Variants in CDC45 observed in about 807,000 individuals in gnomAD.
The protein encoded by CDC45 is cell division cycle 45.
A neutral mutation model predicts 77.8 loss-of-function variants in CDC45; 54 were observed. The observed-to-expected ratio is 0.69, with a 90% CI of 0.56 to 0.87. The LOEUF is 0.87. CDC45 is among the 40% of genes least tolerant of loss of function. The pLI is 0.00. For synonymous variants in CDC45, 260 were observed against 272.1 expected, an observed-to-expected ratio of 0.96 and a Z score of 0.44; for missense variants, 649 against 721.6, an observed-to-expected ratio of 0.90 and a Z score of 1.15.
At position 19,497,423 on chromosome 22, in the gene CDC45, C is replaced by G. The variant is rs1568923264; in HGVS notation, c.629C>G (p.Ser210Cys). ...ATGTTTGAGCTGGCTTGGATGCTGTCCAAGGACCTGAATGACATGCTGTGG... is the reference window on the plus strand; with the variant it reads ...ATGTTTGAGCTGGCTTGGATGCTGTGCAAGGACCTGAATGACATGCTGTGG... ...MVMFELAWML[S>C]KDLNDMLWWA... Residue 210 changes from serine (S) to cysteine (C), a missense_variant, in exon 8 of 19, where the codon TCC becomes TGC. Transcript: ENST00000263201. The G allele has an allele frequency of 6.2e-7, 1 of 1,614,138 alleles. No homozygotes were observed. Among genetic ancestry groups the G allele is most frequent in the Non-Finnish European group, 8.5e-7 (1 of 1,179,996 alleles).
At chr22:19,479,578 G>A (rs1016774366), upstream of CDC45, 5 of 584,354 alleles carry the variant, frequency 8.6e-6, no homozygotes, top group Admixed American at 8.7e-5. Context: ...TTGGGTATGT[G>A]ACTGAGTTTA....
At chr22:19,480,260 G>T in intron 2 of CDC45, 43 bp downstream of exon 2, 1 of 1,580,900 alleles carries the variant, frequency 6.3e-7, no homozygotes. Context: ...GGCGCGCGAG[G>T]TGAGGGTGCT....
Position 19,483,847 on chromosome 22 carries a change from T to C in CDC45, c.343-15T>C. 1.9e-6 allele frequency: 3 copies of C among 1,609,720 alleles called. No individual in the cohort carries two copies. Among genetic ancestry groups the C allele is most frequent in the Non-Finnish European group, 2.5e-6 (3 of 1,178,252 alleles). ...GAAAGAGGAGAGGCTTAATTCCTTT[T>C]TGTTTTGAACTTAGATCAAATTACT... On this transcript the variant is annotated splice_polypyrimidine_tract_variant and intron_variant, in intron 4 of 18. Coordinates refer to ENST00000263201, the MANE Select transcript of CDC45 (RefSeq NM_003504.5).
intron 3 of CDC45, among the ~76,000 whole-genome samples, chr22:19,482,367 G>C (rs922500242): frequency 1.3e-5 from 2 of 152,266 alleles, no homozygotes; most frequent in African/African-American, 4.8e-5. Flanking sequence ...GCATAGTACT[G>C]TGAGGTCTGG....
chr22:19,496,546 G>A (rs191598906), intron 7 of CDC45, among the ~76,000 whole-genome samples: 2 of 152,302 alleles, frequency 1.3e-5, no homozygotes, highest in Non-Finnish European at 2.9e-5. Context: ...TCTAAGCACC[G>A]TATTTCCAGT....
At chr22:19,479,581 T>A (rs1205340886), upstream of CDC45, 2 of 584,930 alleles carry the variant, frequency 3.4e-6, no homozygotes, top group African/African-American at 3.7e-5. Flanking sequence ...GGTATGTGAC[T>A]GAGTTTAATG....
chr22:19,507,300 G>A (rs1470564539), intron 10 of CDC45, 86 bp from the exon 11 acceptor site: 11 of 1,504,810 alleles, frequency 7.3e-6, no homozygotes, highest in South Asian at 2.4e-5. Flanking sequence ...AAAGGGCCCC[G>A]CCATCAGAGT....
At chr22:19,493,877 G>A (rs2090195848) in intron 5 of CDC45, among the ~76,000 whole-genome samples, 1 of 152,224 alleles carries the variant, frequency 6.6e-6, no homozygotes, top group South Asian at 2.1e-4. Context: ...ATTATTCCAG[G>A]CCTTTGTTGT....
At chr22:19,511,276 T>TC (rs1933496314) in intron 13 of CDC45, among the ~76,000 whole-genome samples, 1 of 152,184 alleles carries the variant, frequency 6.6e-6, no homozygotes. Flanking sequence ...TCTCATGTGC[T>TC]TATTGGTCAT....
At chr22:19,485,306 C>T (rs1377735590) in intron 5 of CDC45, among the ~76,000 whole-genome samples, 1 of 152,142 alleles carries the variant, frequency 6.6e-6, no homozygotes, top group East Asian at 1.9e-4. Flanking sequence ...ACCAGTTAGG[C>T]CCTGGGGTGC....
chr22:19,499,743 C>G (rs2090307313), intron 9 of CDC45, among the ~76,000 whole-genome samples: 1 of 152,202 alleles, frequency 6.6e-6, no homozygotes, highest in African/African-American at 2.4e-5. Context: ...TTCATCCCTG[C>G]TAATGCACGA....
At chr22:19,503,522 A>G (rs1240020094) in intron 9 of CDC45, among the ~76,000 whole-genome samples, 1 of 152,174 alleles carries the variant, frequency 6.6e-6, no homozygotes, top group African/African-American at 2.4e-5. Context: ...GCAAGATGAA[A>G]AAGTATATGG....
At position 19,494,360 on chromosome 22, in the gene CDC45, C is replaced by T. The variant is rs184924520; in HGVS notation, c.520C>T (p.Arg174Trp). The change falls in exon 6 of 19, where the codon CGG (arginine) becomes TGG (tryptophan). Residue 174 changes from arginine to tryptophan, a missense_variant. Physicochemically the swap from Arg to Trp is moderately radical, Grantham distance 101 (BLOSUM62 -3). Transcript: ENST00000263201. ...IVEQTMRRRQ[R>W]REWEARRRDI... ...GGAGCAAACCATGCGGAGGAGGCAG[C>T]GGCGAGAGTGGGAGGCCCGGAGGTG... The T allele has an allele frequency of 8.6e-5, 139 of 1,613,252 alleles. No individual in the cohort carries two copies. In the Admixed American group the frequency reaches 2.0e-3, roughly 23 times the overall value.
intron 5 of CDC45, among the ~76,000 whole-genome samples, chr22:19,487,434 G>T (rs766814097): frequency 6.6e-6 from 1 of 152,016 alleles, no homozygotes; most frequent in Non-Finnish European, 1.5e-5. Context: ...GCTAGAGTGG[G>T]AGGATGCCTT....
At chr22:19,487,531 TA>T (rs2090089985) in intron 5 of CDC45, among the ~76,000 whole-genome samples, 1 of 146,884 alleles carries the variant, frequency 6.8e-6, no homozygotes, top group Non-Finnish European at 1.5e-5. Context: ...CCTCATCTCT[TA>T]AAAAGAAAAG....
intron 13 of CDC45, among the ~76,000 whole-genome samples, chr22:19,513,055 C>A (rs1041677682): frequency 6.6e-6 from 1 of 152,198 alleles, no homozygotes; most frequent in African/African-American, 2.4e-5. Flanking sequence ...CTCACTTACA[C>A]CCCCTAGCCC....
At chr22:19,511,954 T>C (rs1346057001) in intron 13 of CDC45, among the ~76,000 whole-genome samples, 1 of 146,184 alleles carries the variant, frequency 6.8e-6, no homozygotes, top group East Asian at 2.1e-4. Flanking sequence ...AGGGTCTTAC[T>C]CTGTCACTTA....
Position 19,483,884 on chromosome 22 carries a change from A to G in CDC45, c.365A>G (p.Asp122Gly), listed in dbSNP as rs149459036. Residue 122 changes from aspartate to glycine, a missense_variant, in exon 5 of 19, where the codon GAT (aspartate) becomes GGT (glycine). Coordinates refer to ENST00000263201, the MANE Select transcript of CDC45 (RefSeq NM_003504.5). ...DTQIKLLIKQ[D>G]DDLEVPAYED... ...TAGATCAAATTACTCATTAAACAAG[A>G]TGATGACCTTGAAGTTCCCGCCTAT... is the stretch of plus-strand genomic sequence containing the variant. The G allele has an allele frequency of 2.9e-4, 470 of 1,612,510 alleles. 1 individual carries two copies. The African/African-American group carries it at 5.7e-3, about 19-fold the overall frequency.
At chr22:19,517,600 TAGAGGCG>T (rs1261376826) in intron 17 of CDC45, among the ~76,000 whole-genome samples, 1 of 152,204 alleles carries the variant, frequency 6.6e-6, no homozygotes, top group African/African-American at 2.4e-5. Context: ...CTCCCAGTCC[TAGAGGCG>T]AGAAGGCCCA....
Sources: gnomAD v4.1 joint callset for allele counts (sites outside exome capture counted in the v4.1 genomes callset) on GRCh38, gnomAD v4.1.1 for gene constraint, MANE v1.5 for transcripts, NCBI Gene and HGNC (gene_info 2026-07-23, HGNC 2026-07-21) for gene names.